Variants in SLC5A11 observed in about 807,000 individuals in gnomAD.
The protein encoded by SLC5A11 is solute carrier family 5 member 11.
Under a neutral mutation model 69.8 loss-of-function variants are expected in SLC5A11, and 48 were observed. The ratio of observed to expected loss-of-function variants is 0.69; its 90% CI spans 0.55 to 0.87. The LOEUF (loss-of-function observed/expected upper bound fraction) is 0.87, where lower values mean the gene tolerates loss of function less well. Ranked by LOEUF, SLC5A11 falls within the 40% of genes least tolerant of loss-of-function variation. The pLI is 0.00. For synonymous variants in SLC5A11, 319 were observed against 342.4 expected (o/e 0.93, Z 0.75); for missense variants, 784 against 866.1 (o/e 0.91, Z 1.19).
chr16:24,848,929 G>A (rs991194079), intron 1 of SLC5A11, among the ~76,000 whole-genome samples: 19 of 152,214 alleles, frequency 1.2e-4, no homozygotes, highest in Non-Finnish European at 1.8e-4. Context: ...AAAAATGAGG[G>A]AAAATGTGTG....
At chr16:24,903,042 G>T (rs184140256) in intron 10 of SLC5A11, among the ~76,000 whole-genome samples, 11 of 152,264 alleles carry the variant, frequency 7.2e-5, no homozygotes, top group Admixed American at 3.3e-4. Context: ...TGTATTTGAA[G>T]TCTCTCTCCC....
intron 4 of SLC5A11, among the ~76,000 whole-genome samples, chr16:24,870,811 G>C (rs1415278307): frequency 6.7e-6 from 1 of 149,534 alleles, no homozygotes; most frequent in African/African-American, 2.5e-5. Context: ...AAAAGGGTGT[G>C]TGAAGAAGAG....
chr16:24,861,686 GAGGA>G (rs1367266480), intron 2 of SLC5A11, among the ~76,000 whole-genome samples: 2 of 143,128 alleles, frequency 1.4e-5, no homozygotes, highest in Admixed American at 1.4e-4. Context: ...GGAAGGGAGG[GAGGA>G]AGGAAGGGAG....
At chr16:24,887,144 C>T (rs2048448100) in intron 8 of SLC5A11, among the ~76,000 whole-genome samples, 2 of 152,168 alleles carry the variant, frequency 1.3e-5, no homozygotes, top group African/African-American at 4.8e-5. Flanking sequence ...GCCAAGTTCT[C>T]TGTTTGCCAG....
chr16:24,884,630 CTG>C (rs2048282452), intron 8 of SLC5A11, among the ~76,000 whole-genome samples: 1 of 114,616 alleles, frequency 8.7e-6, no homozygotes, highest in African/African-American at 3.2e-5. Flanking sequence ...CCACCTGGCA[CTG>C]TTTTTTTTTT....
intron 15 of SLC5A11, 41 bp downstream of exon 16, chr16:24,910,518 G>A (rs751764071): frequency 2.2e-5 from 35 of 1,558,248 alleles, no homozygotes; most frequent in Non-Finnish European, 2.6e-5. Flanking sequence ...GAAGGAGTAC[G>A]TGTTAAAGGG....
intron 8 of SLC5A11, among the ~76,000 whole-genome samples, chr16:24,889,543 ATTTTTTTT>A (rs71156454): frequency 1.2e-4 from 9 of 74,344 alleles, no homozygotes; most frequent in Admixed American, 2.1e-4. Context: ...AGGTCTTACA[ATTTTTTTT>A]TTTTTTTTTT....
chr16:24,871,907 C>A (rs1488031455), intron 4 of SLC5A11, among the ~76,000 whole-genome samples: 1 of 152,118 alleles, frequency 6.6e-6, no homozygotes, highest in Non-Finnish European at 1.5e-5. Flanking sequence ...GAAGTGATGA[C>A]ATGATGTTTA....
chr16:24,883,668 C>T (rs1597156048), intron 7 of SLC5A11, among the ~76,000 whole-genome samples: 2 of 152,222 alleles, frequency 1.3e-5, no homozygotes, highest in South Asian at 4.1e-4. Flanking sequence ...GGCTTCCCCT[C>T]CGTGGGGGCC....
At chr16:24,864,330 G>A (rs185894434) in intron 3 of SLC5A11, among the ~76,000 whole-genome samples, 3 of 152,294 alleles carry the variant, frequency 2.0e-5, no homozygotes, top group Non-Finnish European at 4.4e-5. Context: ...ATTGGTTTCA[G>A]GGATTTAAGA....
chr16:24,896,018 A>G (rs940006966), intron 9 of SLC5A11, among the ~76,000 whole-genome samples: 3 of 150,440 alleles, frequency 2.0e-5, no homozygotes, highest in African/African-American at 7.3e-5. Flanking sequence ...GGACTCATTT[A>G]GTTGTTTATG....
intron 1 of SLC5A11, among the ~76,000 whole-genome samples, chr16:24,850,039 A>G (rs1195239405): frequency 6.6e-6 from 1 of 152,034 alleles, no homozygotes; most frequent in African/African-American, 2.4e-5. Flanking sequence ...TTGGGCTTAA[A>G]CAATCCTTCT....
chr16:24,865,289 G>A (rs868403879), intron 3 of SLC5A11, among the ~76,000 whole-genome samples: 7 of 152,192 alleles, frequency 4.6e-5, no homozygotes, highest in African/African-American at 1.4e-4. Flanking sequence ...GGCTGGGCAC[G>A]GTGGCTCACA....
intron 8 of SLC5A11, among the ~76,000 whole-genome samples, chr16:24,888,430 A>G (rs1465581255): frequency 6.6e-6 from 1 of 151,918 alleles, no homozygotes; most frequent in Non-Finnish European, 1.5e-5. Context: ...TGATTTAGAA[A>G]AAAGAAGATG....
intron 10 of SLC5A11, among the ~76,000 whole-genome samples, chr16:24,901,936 A>C (rs2049633172): frequency 9.0e-6 from 1 of 111,498 alleles, no homozygotes; most frequent in African/African-American, 3.7e-5. Context: ...AAAAATACAC[A>C]CACACACACA....
At chr16:24,856,569 C>T (rs111788417) in intron 1 of SLC5A11, among the ~76,000 whole-genome samples, 20,256 of 133,268 alleles carry the variant, frequency 0.15, 1,581 homozygotes, top group Middle Eastern at 0.29. Flanking sequence ...CTGGCTAACA[C>T]GGTGAAATCC....
intron 7 of SLC5A11, 47 bp from the exon 9 acceptor site, chr16:24,884,004 C>T (rs756953905): frequency 3.9e-5 from 61 of 1,582,798 alleles, no homozygotes; most frequent in Admixed American, 1.9e-4. Context: ...AGAGTAACCC[C>T]TTCTCGTTAG....
chr16:24,863,073 TTTATATA>T (rs932653918), intron 3 of SLC5A11, among the ~76,000 whole-genome samples: 5 of 144,588 alleles, frequency 3.5e-5, no homozygotes, highest in African/African-American at 1.3e-4. Context: ...ATATATATGA[TTTATATA>T]TTATATATAA....
At chr16:24,902,929 A>G (rs2049750937) in intron 10 of SLC5A11, among the ~76,000 whole-genome samples, 1 of 152,262 alleles carries the variant, frequency 6.6e-6, no homozygotes, top group South Asian at 2.1e-4. Flanking sequence ...ATGGAAAAAT[A>G]ACATAAACTA....
Sources: gnomAD v4.1 joint callset for allele counts (sites outside exome capture counted in the v4.1 genomes callset) on GRCh38, gnomAD v4.1.1 for gene constraint, MANE v1.5 for transcripts, NCBI Gene and HGNC (gene_info 2026-07-23, HGNC 2026-07-21) for gene names.